S100A8: variants seen among roughly 807,000 people sequenced by gnomAD.
S100A8 encodes the protein S100 calcium binding protein A8, also known as protein S100-A8.
Under a neutral mutation model 4.2 loss-of-function variants are expected in S100A8, and 1 was observed. The observed-to-expected ratio is 0.24, with a 90% CI of 0.08 to 1.12. The LOEUF is 1.12. Ranked by LOEUF, S100A8 falls within the 50% of genes most tolerant of loss-of-function variation. The pLI is 0.53. For synonymous variants in S100A8, 41 were observed against 44.7 expected (o/e 0.92, Z 0.33); for missense variants, 96 against 111.8 (o/e 0.86, Z 0.64).
At chr1:153,412,423 A>G in the S100A8 span, among the ~76,000 whole-genome samples, 1 of 152,254 alleles carries the variant, frequency 6.6e-6, no homozygotes, top group South Asian at 2.1e-4. Context: ...AATCAAAACT[A>G]CAATGAGATA....
At chr1:153,403,541 T>C in the S100A8 span, among the ~76,000 whole-genome samples, 1 of 152,216 alleles carries the variant, frequency 6.6e-6, no homozygotes, top group African/African-American at 2.4e-5. Flanking sequence ...CCTTGTCTCA[T>C]GTGGAGCAAT....
chr1:153,409,373 G>A, the S100A8 span, among the ~76,000 whole-genome samples: 3 of 152,098 alleles, frequency 2.0e-5, no homozygotes, highest in South Asian at 2.1e-4. Flanking sequence ...GAACAGACGC[G>A]ACAAAGAAGG....
At chr1:153,394,085 C>A (rs74876421), upstream of S100A8, among the ~76,000 whole-genome samples, 2,709 of 152,260 alleles carry the variant, frequency 0.018, 85 homozygotes, top group African/African-American at 0.062. Context: ...TGGGGAAAGG[C>A]AGAGGCTGTA....
the S100A8 span, among the ~76,000 whole-genome samples, chr1:153,410,248 A>G: frequency 6.6e-6 from 1 of 152,246 alleles, no homozygotes; most frequent in South Asian, 2.1e-4. Context: ...CTAATAAAGA[A>G]GAAAAGAGAG....
At chr1:153,395,050 G>T (rs1025975747), upstream of S100A8, among the ~76,000 whole-genome samples, 1 of 152,090 alleles carries the variant, frequency 6.6e-6, no homozygotes, top group African/African-American at 2.4e-5. Context: ...TCCCAGGGGA[G>T]AGGAAAAGGA....
chr1:153,398,008 C>T, the S100A8 span, among the ~76,000 whole-genome samples: 2 of 152,326 alleles, frequency 1.3e-5, no homozygotes, highest in South Asian at 2.1e-4. Flanking sequence ...ATCACTTCCC[C>T]CTCACTCCGT....
intron 1 of S100A8, chr1:153,390,803 C>A: frequency 1.8e-6 from 1 of 540,792 alleles, no homozygotes; most frequent in Non-Finnish European, 3.1e-6. Context: ...ACTTTCCTTA[C>A]CACCCCACCC....
the S100A8 span, among the ~76,000 whole-genome samples, chr1:153,398,005 C>T: frequency 1.3e-5 from 2 of 152,332 alleles, no homozygotes; most frequent in South Asian, 4.1e-4. Context: ...ACAATCACTT[C>T]CCCCTCACTC....
At chr1:153,413,960 G>A in the S100A8 span, among the ~76,000 whole-genome samples, 2 of 152,104 alleles carry the variant, frequency 1.3e-5, no homozygotes, top group East Asian at 1.9e-4. Flanking sequence ...TTGGTGACTT[G>A]CACACTAATC....
chr1:153,411,180 A>G, the S100A8 span, among the ~76,000 whole-genome samples: 1 of 152,228 alleles, frequency 6.6e-6, no homozygotes. Flanking sequence ...GGAAAAGAGG[A>G]AGTCAAATTG....
rs1050734822 is a variant in S100A8, at chr1:153,390,285, C to G, written c.142-42G>C. 8.7e-6 allele frequency: 14 copies of G among 1,603,886 alleles called. No homozygotes were observed. In the African/African-American group the frequency reaches 1.7e-4, roughly 20 times the overall value. On this transcript the variant is annotated intron_variant, in intron 2 of 2. Transcript: ENST00000368733. ...GGAAGAAGCCAGAGTTTAAAGATCT[C>G]AGAGAGAGCCGAGGCATAGCCATCT...
At chr1:153,415,623 G>A in the S100A8 span, among the ~76,000 whole-genome samples, 1 of 150,658 alleles carries the variant, frequency 6.6e-6, no homozygotes, top group Non-Finnish European at 1.5e-5. Flanking sequence ...CATAGGAGGA[G>A]GAAAAACACT....
upstream of S100A8, among the ~76,000 whole-genome samples, chr1:153,393,813 T>C (rs2101611255): frequency 6.6e-6 from 1 of 152,334 alleles, no homozygotes; most frequent in East Asian, 1.9e-4. Context: ...GATGTGGACA[T>C]TACAAGTATA....
chr1:153,413,232 T>C, the S100A8 span, among the ~76,000 whole-genome samples: 2 of 152,246 alleles, frequency 1.3e-5, no homozygotes, highest in Non-Finnish European at 2.9e-5. Flanking sequence ...GTATTCTCTA[T>C]GGTCAGGCAC....
chr1:153,419,199 G>T, the S100A8 span: 8 of 1,614,212 alleles, frequency 5.0e-6, no homozygotes, highest in Non-Finnish European at 6.8e-6. Flanking sequence ...GGACAAGAAT[G>T]AGGATAAGAA....
At chr1:153,416,168 G>T in the S100A8 span, among the ~76,000 whole-genome samples, 1 of 152,160 alleles carries the variant, frequency 6.6e-6, no homozygotes, top group Non-Finnish European at 1.5e-5. Flanking sequence ...CTGGGGGAGG[G>T]AATAAACAAG....
At chr1:153,422,531 T>C in the S100A8 span, 1 of 985,314 alleles carries the variant, frequency 1.0e-6, no homozygotes, top group Non-Finnish European at 1.2e-6. Flanking sequence ...ACAGCTGATG[T>C]GAAAGAGATT....
chr1:153,408,305 A>G, the S100A8 span, among the ~76,000 whole-genome samples: 13 of 152,378 alleles, frequency 8.5e-5, no homozygotes, highest in South Asian at 2.5e-3. Context: ...GCTGAAAACC[A>G]TGGCACGAGA....
At chr1:153,396,248 G>A in the S100A8 span, among the ~76,000 whole-genome samples, 1 of 152,216 alleles carries the variant, frequency 6.6e-6, no homozygotes, top group African/African-American at 2.4e-5. Flanking sequence ...GGGGCTCCCT[G>A]GAGATAGAAG....
Sources: allele counts gnomAD v4.1 joint callset (sites outside exome capture counted in the v4.1 genomes callset), GRCh38; gene constraint gnomAD v4.1.1; transcripts MANE v1.5; gene names NCBI Gene and HGNC (gene_info 2026-07-23, HGNC 2026-07-21).